PEBP4: variants seen among roughly 807,000 people sequenced by gnomAD.
The protein encoded by PEBP4 is phosphatidylethanolamine binding protein 4, also known as phosphatidylethanolamine-binding protein 4.
Under a neutral mutation model 23.9 loss-of-function variants are expected in PEBP4, and 22 were observed. That is an observed-to-expected ratio of 0.92 (90% CI 0.66 to 1.31). PEBP4 has a LOEUF of 1.31. Ranked by LOEUF, PEBP4 falls within the 40% of genes most tolerant of loss-of-function variation. The pLI is 0.00. For synonymous variants in PEBP4, 112 were observed against 99.3 expected, an observed-to-expected ratio of 1.13 and a Z score of -0.76; for missense variants, 324 against 281.7, an observed-to-expected ratio of 1.15 and a Z score of -1.07.
In PEBP4 at chr8:22,762,598, C is replaced by A. The variant is rs1805530491; in HGVS notation, c.358-35378G>T. Among the ~76,000 whole-genome samples the A allele has an allele frequency of 3.3e-5, 5 of 152,306 alleles. 1 individual carries two copies. In the South Asian group the frequency reaches 1.0e-3, roughly 32 times the overall value. On this transcript the variant is annotated intron_variant, in intron 4 of 6. Transcript: ENST00000256404. ...TGGATGATATTGACCCATCTGGTTT[C>A]TTCTCGGTCAGGCCTCCAATTCCCA...
intron 3 of PEBP4, among the ~76,000 whole-genome samples, chr8:22,873,094 C>T (rs755833976): frequency 2.2e-4 from 33 of 152,132 alleles, no homozygotes; most frequent in Admixed American, 5.2e-4. Context: ...TAAATTCTCA[C>T]CAAAATCATT....
chr8:22,859,198 C>T (rs1007442242), intron 3 of PEBP4, among the ~76,000 whole-genome samples: 7 of 152,172 alleles, frequency 4.6e-5, no homozygotes, highest in East Asian at 1.9e-4. Flanking sequence ...TACCAGGGAG[C>T]ACTATCACAT....
At chr8:22,931,125 C>T (rs541881027), upstream of PEBP4, among the ~76,000 whole-genome samples, 16 of 152,286 alleles carry the variant, frequency 1.1e-4, no homozygotes, top group South Asian at 3.3e-3. Flanking sequence ...GACACAGACT[C>T]TTGTTATTTC....
intron 3 of PEBP4, among the ~76,000 whole-genome samples, chr8:22,894,365 A>G (rs577892467): frequency 6.6e-6 from 1 of 152,308 alleles, no homozygotes; most frequent in African/African-American, 2.4e-5. Flanking sequence ...TCAGCCCAGG[A>G]GTTCGAGACC....
chr8:22,911,524 A>G (rs1808938661), intron 3 of PEBP4, among the ~76,000 whole-genome samples: 1 of 152,236 alleles, frequency 6.6e-6, no homozygotes, highest in Admixed American at 6.5e-5. Context: ...AACAAATAAC[A>G]CATGATACTG....
rs542472735 is a variant in PEBP4, at chr8:22,879,865, T to A, written c.258+40319A>T. 6.4e-4 allele frequency among the ~76,000 whole-genome samples: 97 copies of A among 152,190 alleles called. 1 individual carries two copies. Among genetic ancestry groups the A allele is most frequent in the African/African-American group, 2.2e-3 (90 of 41,518 alleles). On this transcript the variant is annotated intron_variant, in intron 3 of 6. Transcript: ENST00000256404. ...CATCCTCTTCCACAGAAGAAAAAAA[T>A]TTTCTGGTGTGTTTATTTCATGGCA...
chr8:22,737,988 C>T (rs1010147024), intron 4 of PEBP4, among the ~76,000 whole-genome samples: 4 of 152,078 alleles, frequency 2.6e-5, no homozygotes, highest in African/African-American at 4.8e-5. Flanking sequence ...ATGCTGCCTC[C>T]GTCCACCCTT....
At chr8:22,782,560 A>C (rs1020350469) in intron 4 of PEBP4, among the ~76,000 whole-genome samples, 1 of 152,232 alleles carries the variant, frequency 6.6e-6, no homozygotes, top group Non-Finnish European at 1.5e-5. Context: ...AGGGAGTGCT[A>C]ATTAAGAAAA....
At chr8:22,938,456 G>T (rs1809568657) in intron 1 of PEBP4, among the ~76,000 whole-genome samples, 1 of 152,156 alleles carries the variant, frequency 6.6e-6, no homozygotes, top group Non-Finnish European at 1.5e-5. Flanking sequence ...TCTGCAGACA[G>T]CATCTGCAGT....
chr8:22,764,633 T>G (rs1585260528), intron 4 of PEBP4, among the ~76,000 whole-genome samples: 1 of 152,106 alleles, frequency 6.6e-6, no homozygotes, highest in Non-Finnish European at 1.5e-5. Context: ...TGAAGTATCA[T>G]GGGACTATGG....
At chr8:22,914,688 G>C in intron 3 of PEBP4, among the ~76,000 whole-genome samples, 1 of 152,016 alleles carries the variant, frequency 6.6e-6, no homozygotes, top group Non-Finnish European at 1.5e-5. Context: ...TGAGGATGCA[G>C]ACCCAGGTGC....
At chr8:22,836,730 C>A (rs1031895518) in intron 3 of PEBP4, among the ~76,000 whole-genome samples, 1 of 152,172 alleles carries the variant, frequency 6.6e-6, no homozygotes, top group Non-Finnish European at 1.5e-5. Flanking sequence ...GTCACTGCAA[C>A]TTTTTTGTCT....
At chr8:22,935,853 C>T (rs140275275) in intron 1 of PEBP4, among the ~76,000 whole-genome samples, 72 of 151,854 alleles carry the variant, frequency 4.7e-4, no homozygotes, top group Admixed American at 1.0e-3. Flanking sequence ...CAAGTGTTTT[C>T]GATAAGGGAA....
chr8:22,818,023 TG>T (rs2128761940), intron 3 of PEBP4, among the ~76,000 whole-genome samples: 1 of 152,342 alleles, frequency 6.6e-6, no homozygotes, highest in Admixed American at 6.5e-5. Flanking sequence ...AGCGCTGTGC[TG>T]AGTGCCGTGG....
At chr8:22,727,307 CAGGAGGAGGA>C (rs1804638621) in intron 4 of PEBP4, 87 bp from the exon 5 acceptor site, 1 of 1,326,284 alleles carries the variant, frequency 7.5e-7, no homozygotes, top group African/African-American at 1.5e-5. Context: ...TCTCTCTCTG[CAGGAGGAGGA>C]TGGGAGAGGA....
intron 4 of PEBP4, among the ~76,000 whole-genome samples, chr8:22,747,821 C>T (rs144362040): frequency 1.5e-4 from 23 of 152,232 alleles, no homozygotes; most frequent in African/African-American, 4.1e-4. Context: ...AAAAGTCTCC[C>T]GGAAAGCCTT....
intron 4 of PEBP4, among the ~76,000 whole-genome samples, chr8:22,760,282 G>C (rs2128752910): frequency 6.6e-6 from 1 of 152,242 alleles, no homozygotes; most frequent in South Asian, 2.1e-4. Context: ...AGTGAACACA[G>C]GCAGTTTGAC....
chr8:22,832,695 G>C (rs1017052860), intron 3 of PEBP4, among the ~76,000 whole-genome samples: 1 of 152,170 alleles, frequency 6.6e-6, no homozygotes, highest in Non-Finnish European at 1.5e-5. Context: ...AGCAGACATT[G>C]AGACAGTCCT....
chr8:22,812,406 G>A (rs140454912), intron 4 of PEBP4, among the ~76,000 whole-genome samples: 4 of 152,266 alleles, frequency 2.6e-5, no homozygotes, highest in South Asian at 4.1e-4. Flanking sequence ...CTTCAGGGTG[G>A]CCACATACAA....
Sources: allele counts gnomAD v4.1 joint callset (sites outside exome capture counted in the v4.1 genomes callset), GRCh38; gene constraint gnomAD v4.1.1; transcripts MANE v1.5; gene names NCBI Gene and HGNC (gene_info 2026-07-23, HGNC 2026-07-21).